MID1: variants seen among roughly 807,000 people sequenced by gnomAD.
MID1 encodes the protein E3 ubiquitin-protein ligase Midline-1.
MID1 carries 7 observed loss-of-function variants against 40.4 expected under a neutral mutation model. The observed-to-expected ratio is 0.17, with a 90% CI of 0.10 to 0.33. The LOEUF is 0.33. Among genes scored for constraint, MID1 ranks in the 10% least tolerant of loss-of-function variants. The probability of loss-of-function intolerance (pLI) is 1.00; values close to 1 mark genes in which losing one functional copy is unlikely to be tolerated. For missense variants in MID1, 367 were observed against 558.5 expected (o/e 0.66, Z 3.46); for synonymous variants, 229 against 221.2 (o/e 1.04, Z -0.31).
rs1204232884 is a variant in MID1 at position 10,636,817 on chromosome X, T to TATATATATATAC, written c.-186-16399_-186-16398insGTATATATATAT. Among the ~76,000 whole-genome samples the TATATATATATAC allele has an allele frequency of 1.4e-4, 12 of 86,015 alleles. 1 individual carries two copies. Among genetic ancestry groups the TATATATATATAC allele is most frequent in the Non-Finnish European group, 2.1e-4 (9 of 43,738 alleles). The allele number at this position is 86,015 out of a possible 115,157, so 74.7% of individuals were successfully genotyped here. A position where few individuals can be genotyped will look rare whatever the true frequency, so the allele number is the denominator to read the frequency against. ...ATATATATATATATATATATATATA[T>TATATATATATAC]ACACCACTGGTGACTGACACCTGAA... On this transcript the variant is annotated intron_variant, in intron 1 of 10. Coordinates refer to the MID1 transcript ENST00000380785.
chrX:10,808,016 C>T lies in MID1; in HGVS notation c.-187+25538G>A, dbSNP rs777333795. Among the ~76,000 whole-genome samples, 4 of 112,735 alleles carry T rather than the reference C, an allele frequency of 3.5e-5. No homozygotes were observed. The South Asian group carries it at 1.1e-3, about 31-fold the overall frequency. On this transcript the variant is annotated intron_variant, in intron 1 of 10. Coordinates refer to the MID1 transcript ENST00000380785. ...CAGAAGAAAGGGGTAACAGGTTCTA[C>T]ATTCTTCAAAGACTGCATGTAGAAG...
chrX:10,705,170 T>C (rs757632906), intron 1 of MID1, among the ~76,000 whole-genome samples: 1 of 112,788 alleles, frequency 8.9e-6, no homozygotes, highest in African/African-American at 3.2e-5. Context: ...TCTCAAAACA[T>C]TGTTACATTT....
chrX:10,807,244 C>CA (rs34894470), intron 1 of MID1, among the ~76,000 whole-genome samples: 104 of 98,647 alleles, frequency 1.1e-3, no homozygotes, highest in African/African-American at 2.9e-3. Flanking sequence ...GGCTCTGTTT[C>CA]AAAAAAAAAA....
chrX:10,449,388 A>T lies in MID1; in HGVS notation c.1984T>A (p.Cys662Ser). The change falls in exon 10 of 10, where the codon TGC (cysteine) becomes AGC (serine). Residue 662 changes from cysteine (C) to serine (S), a missense_variant. Cys to Ser is a moderately radical substitution (Grantham distance 112). Around this residue, in one of 3 missense-constraint regions of MID1, gnomAD observed 275 missense variants for 383.1 expected, o/e 0.72. Transcript: ENST00000317552. ...TGLPIPDHLD[C>S]TEQLP ...GACGCTCACGGCAGCTGCTCTGTGCAGTCCAAATGGTCTGGGATAGGGAGC... is the reference window on the plus strand; with the variant it reads ...GACGCTCACGGCAGCTGCTCTGTGCTGTCCAAATGGTCTGGGATAGGGAGC... 8.3e-7 allele frequency: 1 copy of T among 1,209,061 alleles called. No homozygotes were observed. Among genetic ancestry groups the T allele is most frequent in the Admixed American group, 2.2e-5 (1 of 45,777 alleles).
intron 1 of MID1, among the ~76,000 whole-genome samples, chrX:10,603,907 C>T (rs921052331): frequency 8.1e-5 from 9 of 111,278 alleles, no homozygotes; most frequent in Admixed American, 9.6e-5. Context: ...TAACTCCCAA[C>T]GATATAGATT....
chrX:10,589,009 T>C (rs1179331855), intron 1 of MID1, among the ~76,000 whole-genome samples: 2 of 111,543 alleles, frequency 1.8e-5, no homozygotes, highest in Non-Finnish European at 3.8e-5. Flanking sequence ...GGTGGGCTTA[T>C]TTGTGCCTGA....
intron 1 of MID1, among the ~76,000 whole-genome samples, chrX:10,576,528 C>T (rs1184771122): frequency 1.8e-5 from 2 of 111,254 alleles, no homozygotes; most frequent in African/African-American, 6.5e-5. Flanking sequence ...CACTCCTTCT[C>T]GAGGTTCATT....
At chrX:10,540,691 T>A (rs1414313168) in intron 2 of MID1, among the ~76,000 whole-genome samples, 1 of 111,472 alleles carries the variant, frequency 9.0e-6, no homozygotes, top group Non-Finnish European at 1.9e-5. Flanking sequence ...TAGTAACACA[T>A]ACTGAGGTTC....
intron 1 of MID1, among the ~76,000 whole-genome samples, chrX:10,698,180 T>A (rs900186078): frequency 8.9e-6 from 1 of 112,148 alleles, no homozygotes; most frequent in Non-Finnish European, 1.9e-5. Context: ...ATTTGAGCCA[T>A]GGTCTGGAGG....
chrX:10,624,617 T>A (rs761771684), upstream of MID1, among the ~76,000 whole-genome samples: 37 of 111,737 alleles, frequency 3.3e-4, no homozygotes, highest in Non-Finnish European at 5.5e-4. Context: ...ATTACTTTTT[T>A]AAAATTTTTT....
At chrX:10,755,538 T>C (rs895058910) in intron 1 of MID1, among the ~76,000 whole-genome samples, 1 of 111,903 alleles carries the variant, frequency 8.9e-6, no homozygotes, top group Non-Finnish European at 1.9e-5. Flanking sequence ...CAAAGACATT[T>C]GGTAAAAGGC....
intron 1 of MID1, among the ~76,000 whole-genome samples, chrX:10,692,222 A>G (rs755196038): frequency 2.2e-4 from 25 of 111,130 alleles, no homozygotes; most frequent in Non-Finnish European, 3.6e-4. Flanking sequence ...CAAAATCCCT[A>G]ATAAAAACTT....
chrX:10,659,509 T>TC (rs940056897), intron 1 of MID1, among the ~76,000 whole-genome samples: 23 of 111,897 alleles, frequency 2.1e-4, no homozygotes, highest in African/African-American at 7.5e-4. Context: ...GCTCTAACTA[T>TC]CCCCTAAAGG....
intron 1 of MID1, among the ~76,000 whole-genome samples, chrX:10,680,257 G>T (rs1200815755): frequency 9.0e-6 from 1 of 111,714 alleles, no homozygotes; most frequent in Non-Finnish European, 1.9e-5. Flanking sequence ...TAGGCTTGAA[G>T]ATACGTATCT....
At chrX:10,537,168 A>G (rs1410987345) in intron 2 of MID1, among the ~76,000 whole-genome samples, 1 of 110,806 alleles carries the variant, frequency 9.0e-6, no homozygotes, top group Non-Finnish European at 1.9e-5. Flanking sequence ...TGTATTCTTG[A>G]TTACTTATAA....
At chrX:10,755,782 C>T (rs1171947255) in intron 1 of MID1, among the ~76,000 whole-genome samples, 1 of 111,808 alleles carries the variant, frequency 8.9e-6, no homozygotes, top group Admixed American at 9.5e-5. Flanking sequence ...TGAAGAACAG[C>T]CCGGGGAACT....
intron 1 of MID1, among the ~76,000 whole-genome samples, chrX:10,589,098 C>G (rs1439324073): frequency 2.7e-5 from 3 of 111,987 alleles, no homozygotes; most frequent in Admixed American, 9.5e-5. Flanking sequence ...AAAGGGCACA[C>G]ACACACTTTT....
rs748078532 is a variant in MID1, at chrX:10,458,575, A to G, written c.1447+1071T>C. 4.5e-5 allele frequency among the ~76,000 whole-genome samples: 5 copies of G among 112,334 alleles called. No individual in the cohort carries two copies. In the East Asian group the frequency reaches 1.1e-3, roughly 25 times the overall value. On this transcript the variant is annotated intron_variant, in intron 8 of 9. Coordinates refer to ENST00000317552, the MANE Select transcript of MID1 (RefSeq NM_000381.4). ...GTGTACAGAACTCTCTGTATTATCTATGGATTTCCTGTAAATCTACAGCTA... is the reference window on the plus strand; with the variant it reads ...GTGTACAGAACTCTCTGTATTATCTGTGGATTTCCTGTAAATCTACAGCTA...
At chrX:10,535,113 C>T (rs1247294222) in intron 2 of MID1, among the ~76,000 whole-genome samples, 1 of 111,836 alleles carries the variant, frequency 8.9e-6, no homozygotes, top group Non-Finnish European at 1.9e-5. Flanking sequence ...GGAGTGTCTA[C>T]TAGGGGAGTA....
Sources: gnomAD v4.1 joint callset for allele counts (sites outside exome capture counted in the v4.1 genomes callset) on GRCh38, gnomAD v4.1.1 for gene constraint, gnomAD v4.1.1 regional missense constraint, MANE v1.5 for transcripts, NCBI Gene and HGNC (gene_info 2026-07-23, HGNC 2026-07-21) for gene names.